MAP7D1: variants seen among roughly 807,000 people sequenced by gnomAD.
The protein encoded by MAP7D1 is MAP7 domain-containing protein 1.
A neutral mutation model predicts 97.5 loss-of-function variants in MAP7D1; 30 were observed. That is an observed-to-expected ratio of 0.31 (90% confidence interval 0.23 to 0.42). MAP7D1 has a LOEUF of 0.42. MAP7D1 is among the 10% of genes least tolerant of loss of function. MAP7D1 has a pLI of 1.00. For missense variants in MAP7D1, 1,184 were observed against 1,179.5 expected (o/e 1.00, Z -0.06); for synonymous variants, 536 against 477.1 (o/e 1.12, Z -1.61).
In MAP7D1 at chr1:36,159,541, G is replaced by C. The variant is rs1456227430; in HGVS notation, c.46+3078G>C. Among the ~76,000 whole-genome samples, 1 of 152,194 alleles carries C rather than the reference G, an allele frequency of 6.6e-6. No homozygotes were observed. The highest frequency in any genetic ancestry group is 1.5e-5 in the Non-Finnish European group (1 of 68,034). On this transcript the variant is annotated intron_variant, in intron 1 of 16. Transcript: ENST00000474796. This position sits in a 1 kb window ranked among gnomAD's most constrained non-coding sequence, Gnocchi z 5.4. ...CTGAAGTGGAACAGTGGGAACAGGA[G>C]AGAAGACCCAAGAAACAGGTGCAAC... is the stretch of plus-strand genomic sequence containing the variant.
chr1:36,168,237 G>A (rs1454969276), intron 1 of MAP7D1, among the ~76,000 whole-genome samples: 1 of 151,164 alleles, frequency 6.6e-6, no homozygotes, highest in African/African-American at 2.4e-5. Flanking sequence ...AGAGGTTGCA[G>A]TGAGCCGAGA....
chr1:36,168,076 C>G (rs1243270670), intron 1 of MAP7D1, among the ~76,000 whole-genome samples: 1 of 152,162 alleles, frequency 6.6e-6, no homozygotes, highest in Non-Finnish European at 1.5e-5. Flanking sequence ...GAGGGCGGAT[C>G]ACGAGGTCAA....
chr1:36,178,273 G>A, intron 9 of MAP7D1, 72 bp downstream of exon 9: 1 of 1,478,802 alleles, frequency 6.8e-7, no homozygotes, highest in Non-Finnish European at 9.0e-7. Context: ...GGTGTGGGCC[G>A]CCAGAGATGC....
At chr1:36,169,406 A>G (rs1223888463) in intron 1 of MAP7D1, among the ~76,000 whole-genome samples, 1 of 151,996 alleles carries the variant, frequency 6.6e-6, no homozygotes, top group Admixed American at 6.6e-5. Flanking sequence ...AATACAAAAA[A>G]TTAGCCAGGC....
intron 16 of MAP7D1, 27 bp downstream of exon 16, chr1:36,180,094 C>T: frequency 6.2e-7 from 1 of 1,611,836 alleles, no homozygotes. Context: ...CTGGACCCAG[C>T]TCCATTCCTC....
At chr1:36,166,752 C>A (rs1332627075) in intron 1 of MAP7D1, among the ~76,000 whole-genome samples, 1 of 152,134 alleles carries the variant, frequency 6.6e-6, no homozygotes, top group Non-Finnish European at 1.5e-5. Flanking sequence ...CCAGGGGGAA[C>A]AAAGACTGGA....
intron 1 of MAP7D1, among the ~76,000 whole-genome samples, chr1:36,158,830 C>T (rs573357553): frequency 1.3e-5 from 2 of 152,230 alleles, no homozygotes; most frequent in East Asian, 1.9e-4. Flanking sequence ...TGGAATTAAA[C>T]AGTTTAAGTC....
In MAP7D1 at chr1:36,171,022, C is replaced by A. The variant is rs778694769; in HGVS notation, c.98C>A (p.Pro33His). Residue 33 changes from proline (P) to histidine (H), a missense_variant, in exon 2 of 17, where the codon CCT (proline) becomes CAT (histidine). Transcript: ENST00000474796. ...CCAAGACCTTCTCCAGAAGGTGACC[C>A]TTCCCCCCCACCACCACCAATGTCA... ...PEPRPSPEGD[P>H]SPPPPPMSAL... 1.1e-4 allele frequency: 169 copies of A among 1,584,356 alleles called. No homozygotes were observed. The South Asian group carries it at 1.8e-3, about 17-fold the overall frequency.
At chr1:36,162,864 A>G (rs1465951752) in intron 1 of MAP7D1, among the ~76,000 whole-genome samples, 2 of 152,164 alleles carry the variant, frequency 1.3e-5, no homozygotes, top group African/African-American at 2.4e-5. Context: ...CATTAAACAG[A>G]CACAGAACTC....
At chr1:36,168,558 G>A (rs954442496) in intron 1 of MAP7D1, among the ~76,000 whole-genome samples, 2 of 152,104 alleles carry the variant, frequency 1.3e-5, no homozygotes, top group Middle Eastern at 3.2e-3. Flanking sequence ...CCAGGCAGCC[G>A]TCTCCTGCTG....
chr1:36,174,879 G>C lies in MAP7D1; in HGVS notation c.740-19G>C. On this transcript the variant is annotated intron_variant, in intron 5 of 16. Coordinates refer to ENST00000474796, the MANE Select transcript of MAP7D1 (RefSeq NM_001388490.1). ...TCCTGCCGGGCCCGGCCCTAATGCC[G>C]TGTCTTTTCCCCCTCCAGGTGGGAG... 2 of 1,533,356 alleles carry C rather than the reference G, an allele frequency of 1.3e-6. No homozygotes were observed. The highest frequency in any genetic ancestry group is 1.8e-6 in the Non-Finnish European group (2 of 1,107,334). 95.0% of individuals were successfully genotyped at this position (1,533,356 alleles called of 1,614,324 possible).
At position 36,178,062 on chromosome 1, in the gene MAP7D1, C is replaced by G. The variant is rs756706150; in HGVS notation, c.1569C>G (p.Pro523=). 6.2e-6 allele frequency: 10 copies of G among 1,611,406 alleles called. No individual in the cohort carries two copies. Among genetic ancestry groups the G allele is most frequent in the South Asian group, 3.3e-5 (3 of 90,852 alleles). The change falls in exon 9 of 17, where the codon CCC becomes CCG. Residue 523 remains proline (P), a synonymous_variant. Transcript: ENST00000474796. Reference sequence around the variant, plus strand: ...AGGAGAGCCCCAGCGCCGCAGGGCCCGAGGACAAGAGCCAGAGCAAGCGCA... The same window carrying G: ...AGGAGAGCCCCAGCGCCGCAGGGCCGGAGGACAAGAGCCAGAGCAAGCGCA... ...EAKESPSAAG[P]EDKSQSKRRA...
intron 5 of MAP7D1, 40 bp from the exon 6 acceptor site, chr1:36,174,858 G>T: frequency 7.5e-7 from 1 of 1,330,486 alleles, no homozygotes; most frequent in South Asian, 1.2e-5. Context: ...ACTGGCTCCT[G>T]CCGGGCCCGG....
rs1399407106 is a variant in MAP7D1, at chr1:36,171,597, G to A, written c.460+16G>A. The A allele has an allele frequency of 5.0e-6, 8 of 1,613,802 alleles. No homozygotes were observed. In the African/African-American group the frequency reaches 1.1e-4, roughly 22 times the overall value. ...AAGTACCTGGGTGAGTGAGCAGGAAGCCTCATCATCTTCTTCATCGTCATC... is the reference window on the plus strand; with the variant it reads ...AAGTACCTGGGTGAGTGAGCAGGAAACCTCATCATCTTCTTCATCGTCATC... On this transcript the variant is annotated intron_variant, in intron 3 of 16. Transcript: ENST00000474796.
chr1:36,165,422 CTTTA>C (rs1392754017), intron 1 of MAP7D1, among the ~76,000 whole-genome samples: 1 of 150,798 alleles, frequency 6.6e-6, no homozygotes, highest in Non-Finnish European at 1.5e-5. Flanking sequence ...CTTGCCTGGC[CTTTA>C]TTTAATTTTA....
intron 1 of MAP7D1, among the ~76,000 whole-genome samples, chr1:36,161,869 GTGTGTGTA>G (rs1413362229): frequency 1.4e-4 from 18 of 128,702 alleles, no homozygotes; most frequent in African/African-American, 4.4e-4. Context: ...CTGCATGTGT[GTGTGTGTA>G]TGTGTGTGTG....
intron 4 of MAP7D1, 50 bp from the exon 5 acceptor site, chr1:36,173,314 C>A: frequency 1.4e-6 from 2 of 1,430,000 alleles, no homozygotes; most frequent in Non-Finnish European, 9.7e-7. Context: ...ATCCCAAATT[C>A]GATGAATGTT....
chr1:36,179,471 G>C, intron 13 of MAP7D1, 44 bp from the exon 14 acceptor site: 1 of 1,577,732 alleles, frequency 6.3e-7, no homozygotes, highest in South Asian at 1.2e-5. Context: ...AGTGGCTGGG[G>C]CCGGCTGTCC....
chr1:36,171,950 A>AAAC, intron 3 of MAP7D1: 1 of 220,914 alleles, frequency 4.5e-6, no homozygotes, highest in South Asian at 6.3e-5. Context: ...AAAAAAAAAA[A>AAAC]AAAAAAAACC....
Sources: gnomAD v4.1 joint callset for allele counts (sites outside exome capture counted in the v4.1 genomes callset) on GRCh38, gnomAD v4.1.1 for gene constraint, Gnocchi (gnomAD v3.1) non-coding constraint, MANE v1.5 for transcripts, NCBI Gene and HGNC (gene_info 2026-07-23, HGNC 2026-07-21) for gene names.